The following UNC79 variants were observed in gnomAD, a reference collection of about 807,000 sequenced individuals.
UNC79 encodes the protein unc-79 subunit of NALCN channel complex.
UNC79 carries 37 observed loss-of-function variants against 283.1 expected under a neutral mutation model. The observed-to-expected ratio is 0.13, with a 90% CI of 0.10 to 0.17. UNC79 has a LOEUF of 0.17. Ranked by LOEUF, UNC79 falls within the 10% of genes least tolerant of loss-of-function variation. The probability of loss-of-function intolerance (pLI) is 1.00; values close to 1 mark genes in which losing one functional copy is unlikely to be tolerated. For synonymous variants in UNC79, 1,107 were observed against 1,200.2 expected (o/e 0.92, Z 1.61); for missense variants, 2,272 against 3,211.1 (o/e 0.71, Z 7.07).
At chr14:93,487,023 G>A (rs1392081027) in intron 4 of UNC79, among the ~76,000 whole-genome samples, 1 of 152,134 alleles carries the variant, frequency 6.6e-6, no homozygotes, top group East Asian at 1.9e-4. Flanking sequence ...AAGATGGTAA[G>A]CTCTGGAAAA....
intron 1 of UNC79, among the ~76,000 whole-genome samples, chr14:93,452,988 C>T (rs904535514): frequency 6.6e-6 from 1 of 152,104 alleles, no homozygotes; most frequent in Middle Eastern, 3.2e-3. Context: ...CTTCTGAATT[C>T]TGTAGTATGT....
intron 37 of UNC79, among the ~76,000 whole-genome samples, chr14:93,654,960 T>C (rs1158002522): frequency 2.0e-5 from 3 of 152,240 alleles, no homozygotes; most frequent in African/African-American, 4.8e-5. Flanking sequence ...CATCATTCAT[T>C]GTTTTCTTAG....
chr14:93,357,792 TATATATGG>T (rs1374552136), intron 1 of UNC79, among the ~76,000 whole-genome samples: 6 of 131,058 alleles, frequency 4.6e-5, no homozygotes, highest in Non-Finnish European at 8.2e-5. Flanking sequence ...TATGGATATA[TATATATGG>T]ATATATGGAT....
intron 26 of UNC79, among the ~76,000 whole-genome samples, chr14:93,609,794 T>G (rs2066165702): frequency 6.6e-6 from 1 of 152,208 alleles, no homozygotes; most frequent in Non-Finnish European, 1.5e-5. Context: ...TAAGGTAACT[T>G]GTCTTTATGA....
chr14:93,408,651 C>G (rs768996823), intron 1 of UNC79, among the ~76,000 whole-genome samples: 34 of 152,070 alleles, frequency 2.2e-4, no homozygotes, highest in Non-Finnish European at 4.7e-4. Context: ...ATGTTTGCAC[C>G]GCTGCATTCT....
chr14:93,654,007 T>A, exon 37 of UNC79: 2 of 1,614,116 alleles, frequency 1.2e-6, no homozygotes, highest in Non-Finnish European at 1.7e-6. Context: ...CCATCGCAGC[T>A]CTCAGTCAGC....
chr14:93,631,352 A>G (rs1294260297), intron 31 of UNC79, among the ~76,000 whole-genome samples: 2 of 152,222 alleles, frequency 1.3e-5, no homozygotes, highest in Non-Finnish European at 2.9e-5. Context: ...ATGATATATC[A>G]TATTCCCAAA....
intron 1 of UNC79, among the ~76,000 whole-genome samples, chr14:93,377,522 G>A (rs1272930687): frequency 3.3e-5 from 5 of 152,138 alleles, no homozygotes; most frequent in South Asian, 2.1e-4. Flanking sequence ...AGTGATTACC[G>A]GGATACAATC....
chr14:93,389,255 A>G (rs1380017548), intron 1 of UNC79, among the ~76,000 whole-genome samples: 2 of 152,252 alleles, frequency 1.3e-5, no homozygotes, highest in Non-Finnish European at 2.9e-5. Flanking sequence ...CTAAGATGAC[A>G]GAAATAAAAT....
intron 1 of UNC79, among the ~76,000 whole-genome samples, chr14:93,454,443 A>G (rs2140184735): frequency 1.2e-5 from 1 of 85,054 alleles, no homozygotes; most frequent in Middle Eastern, 8.2e-3. Flanking sequence ...GTGTATGTGT[A>G]TACATAATTA....
rs534706329 is a variant in UNC79 at position 93,538,804 on chromosome 14, C to CAAA, written c.1352+602_1352+604dup. Reference sequence around the variant, plus strand: ...GGTTTTTCTTCTTCTATCACATGACCAAAAAAAAAAAAAAAAAAGCAATTG... The same window carrying CAAA: ...GGTTTTTCTTCTTCTATCACATGACCAAAAAAAAAAAAAAAAAAAAAGCAATTG... On this transcript the variant is annotated intron_variant, in intron 12 of 48. Transcript: ENST00000555664. Among the ~76,000 whole-genome samples, 28 of 111,368 alleles carry CAAA rather than the reference C, an allele frequency of 2.5e-4. 1 individual carries two copies. Among genetic ancestry groups the CAAA allele is most frequent in the Admixed American group, 5.9e-4 (6 of 10,214 alleles). The allele number at this position is 111,368 out of a possible 152,430, so 73.1% of individuals were successfully genotyped here. A position where few individuals can be genotyped will look rare whatever the true frequency, so the allele number is the denominator to read the frequency against.
At chr14:93,678,029 A>G (rs1265736555) in intron 41 of UNC79, among the ~76,000 whole-genome samples, 1 of 152,074 alleles carries the variant, frequency 6.6e-6, no homozygotes, top group Non-Finnish European at 1.5e-5. Flanking sequence ...TCTGTAGAAT[A>G]GTGGAAATGA....
intron 1 of UNC79, among the ~76,000 whole-genome samples, chr14:93,387,309 G>A (rs762037467): frequency 6.6e-6 from 1 of 151,798 alleles, no homozygotes; most frequent in Non-Finnish European, 1.5e-5. Context: ...TGCCTTTCTA[G>A]TTCTTTAAGG....
rs373350751 is a variant in UNC79 at position 93,662,750 on chromosome 14, T to C, written c.6636+36T>C. 3.4e-6 allele frequency: 5 copies of C among 1,492,342 alleles called. No homozygotes were observed. In the African/African-American group the frequency reaches 6.9e-5, roughly 21 times the overall value. The allele number at this position is 1,492,342 out of a possible 1,614,324, so 92.4% of individuals were successfully genotyped here. A position where few individuals can be genotyped will look rare whatever the true frequency, so the allele number is the denominator to read the frequency against. ...TTCCATATGTGTGTTCCTGTGAAACTGAAAACTGGCAGAAATATATTCTTT... is the reference window on the plus strand; with the variant it reads ...TTCCATATGTGTGTTCCTGTGAAACCGAAAACTGGCAGAAATATATTCTTT... On this transcript the variant is annotated intron_variant, in intron 40 of 48. Coordinates refer to ENST00000555664, the Ensembl canonical transcript of UNC79.
At position 93,489,427 on chromosome 14, in the gene UNC79, G is replaced by A. The variant is rs990137280; in HGVS notation, c.712+1672G>A. Among the ~76,000 whole-genome samples, 5 of 152,132 alleles carry A rather than the reference G, an allele frequency of 3.3e-5. No individual in the cohort carries two copies. The East Asian group carries it at 5.8e-4, about 18-fold the overall frequency. On this transcript the variant is annotated intron_variant, in intron 5 of 48. Transcript: ENST00000555664. The stretch of plus-strand genomic sequence containing the variant: ...ACCATCTAAATCAGATATGGGTGAG[G>A]CAATTTCCTCTCCAGCTGTGAGCCT...
chr14:93,654,566 A>C (rs28529505), intron 37 of UNC79, among the ~76,000 whole-genome samples: 1 of 151,730 alleles, frequency 6.6e-6, no homozygotes, highest in East Asian at 1.9e-4. Context: ...CTAAAATTTA[A>C]ATAATTTAAA....
In UNC79 at chr14:93,374,247, G is replaced by C. The variant is rs138391634; in HGVS notation, c.-351+40724G>C. 1.6e-3 allele frequency among the ~76,000 whole-genome samples: 238 copies of C among 152,312 alleles called. 2 individuals carry two copies. The highest frequency in any genetic ancestry group is 0.01 in the Middle Eastern group (3 of 294). ...CAACATGCAACATCCACCTGGGAAAGTTTCAGGCACTGGACTTCAATCCAT... is the reference window on the plus strand; with the variant it reads ...CAACATGCAACATCCACCTGGGAAACTTTCAGGCACTGGACTTCAATCCAT... On this transcript the variant is annotated intron_variant, in intron 1 of 49. Coordinates refer to the UNC79 transcript ENST00000256339.
At chr14:93,633,234 T>A (rs1210010996) in intron 31 of UNC79, among the ~76,000 whole-genome samples, 1 of 152,204 alleles carries the variant, frequency 6.6e-6, no homozygotes, top group Non-Finnish European at 1.5e-5. Context: ...TTAGGTTGAG[T>A]AGTCATTTCC....
At chr14:93,550,151 C>T (rs1019992555) in intron 14 of UNC79, among the ~76,000 whole-genome samples, 10 of 152,182 alleles carry the variant, frequency 6.6e-5, no homozygotes, top group Admixed American at 2.0e-4. Context: ...ACATTTTCTA[C>T]ACAAGGTTGG....
Sources: gnomAD v4.1 joint callset for allele counts (sites outside exome capture counted in the v4.1 genomes callset) on GRCh38, gnomAD v4.1.1 for gene constraint, MANE v1.5 for transcripts, NCBI Gene and HGNC (gene_info 2026-07-23, HGNC 2026-07-21) for gene names.